The following LPP variants were observed in gnomAD, a reference collection of about 807,000 sequenced individuals.
LPP encodes LIM domain containing preferred translocation partner in lipoma.
LPP carries 38 observed loss-of-function variants against 60.4 expected under a neutral mutation model. That is an observed-to-expected ratio of 0.63 (90% CI 0.49 to 0.83). LPP has a LOEUF of 0.83. LPP is among the 40% of genes least tolerant of loss of function. The pLI, the probability that LPP is intolerant of heterozygous loss-of-function variation, is 0.00. For synonymous variants in LPP, 328 were observed against 290.8 expected (o/e 1.13, Z -1.30); for missense variants, 902 against 783.6 (o/e 1.15, Z -1.80).
intron 8 of LPP, among the ~76,000 whole-genome samples, chr3:188,721,323 G>T (rs1406773414): frequency 2.0e-5 from 3 of 152,074 alleles, no homozygotes; most frequent in Non-Finnish European, 4.4e-5. Flanking sequence ...GGCCGAGGCT[G>T]GAGAATTGCT....
chr3:188,375,282 G>C (rs868044137), intron 3 of LPP, among the ~76,000 whole-genome samples: 2 of 152,292 alleles, frequency 1.3e-5, no homozygotes, highest in East Asian at 3.9e-4. Flanking sequence ...AGAAGGAATG[G>C]TACCAGCTCC....
chr3:188,157,221 A>C (rs1716771742), intron 1 of LPP, among the ~76,000 whole-genome samples: 1 of 152,158 alleles, frequency 6.6e-6, no homozygotes, highest in Non-Finnish European at 1.5e-5. Flanking sequence ...TTTGAATCTC[A>C]AAGGTCCCCT....
intron 6 of LPP, among the ~76,000 whole-genome samples, chr3:188,529,978 G>A (rs1476246059): frequency 6.6e-6 from 1 of 152,236 alleles, no homozygotes; most frequent in South Asian, 2.1e-4. Context: ...AGAGAGGACT[G>A]CGTAGAGCAG....
At chr3:188,612,560 A>G (rs1434622165) in intron 7 of LPP, among the ~76,000 whole-genome samples, 1 of 152,192 alleles carries the variant, frequency 6.6e-6, no homozygotes, top group Non-Finnish European at 1.5e-5. Flanking sequence ...GTAGAACACC[A>G]TCTTTACTAA....
intron 9 of LPP, among the ~76,000 whole-genome samples, chr3:188,769,102 A>C (rs1735051924): frequency 6.6e-6 from 1 of 152,200 alleles, no homozygotes; most frequent in East Asian, 1.9e-4. Flanking sequence ...GAAGCAATAA[A>C]AAATATAAAA....
At chr3:188,422,812 G>A (rs1426694882) in intron 4 of LPP, among the ~76,000 whole-genome samples, 3 of 151,914 alleles carry the variant, frequency 2.0e-5, no homozygotes, top group Admixed American at 2.0e-4. Context: ...CTGTATTACA[G>A]CCAGTGTTCT....
chr3:188,720,242 T>C lies in LPP; in HGVS notation c.1240+11849T>C, dbSNP rs540828665. On this transcript the variant is annotated intron_variant, in intron 8 of 11. Transcript: ENST00000617246. Reference sequence around the variant, plus strand: ...TATTTTTAATTGACCGATTCTTTCCTCTACAAATATTTATTGAGTGCCTAC... The same window carrying C: ...TATTTTTAATTGACCGATTCTTTCCCCTACAAATATTTATTGAGTGCCTAC... Among the ~76,000 whole-genome samples, 6 of 152,296 alleles carry C rather than the reference T, an allele frequency of 3.9e-5. No individual in the cohort carries two copies. The South Asian group carries it at 1.2e-3, about 32-fold the overall frequency.
intron 9 of LPP, among the ~76,000 whole-genome samples, chr3:188,780,872 T>C (rs1391404352): frequency 1.3e-5 from 2 of 152,248 alleles, no homozygotes; most frequent in African/African-American, 4.8e-5. Context: ...ATCCCAGTGC[T>C]GGGCAGCTGA....
At chr3:188,606,796 A>T (rs1842465273) in intron 6 of LPP, among the ~76,000 whole-genome samples, 1 of 152,138 alleles carries the variant, frequency 6.6e-6, no homozygotes, top group African/African-American at 2.4e-5. Flanking sequence ...TAAAAAAGTC[A>T]GCGTAGATGG....
chr3:188,629,606 A>T (rs1391203054), intron 7 of LPP, among the ~76,000 whole-genome samples: 2 of 152,164 alleles, frequency 1.3e-5, no homozygotes, highest in African/African-American at 4.8e-5. Context: ...TCATGTTCAT[A>T]GATAGGAAAA....
chr3:188,807,339 T>G (rs1749466900), intron 9 of LPP, among the ~76,000 whole-genome samples: 1 of 151,990 alleles, frequency 6.6e-6, no homozygotes, highest in Non-Finnish European at 1.5e-5. Flanking sequence ...GGTTTTAGTT[T>G]TAGTGTTTGT....
chr3:188,815,730 A>G (rs961460925), intron 9 of LPP, among the ~76,000 whole-genome samples: 24 of 152,234 alleles, frequency 1.6e-4, no homozygotes, highest in African/African-American at 5.5e-4. Flanking sequence ...CTGGTCTTCC[A>G]ATGGCATTGT....
At chr3:188,326,578 G>A (rs1213299822) in intron 2 of LPP, among the ~76,000 whole-genome samples, 1 of 152,114 alleles carries the variant, frequency 6.6e-6, no homozygotes, top group East Asian at 1.9e-4. Flanking sequence ...CCACAGTTAC[G>A]AGTCTTATCA....
chr3:188,300,101 T>C (rs561753570), intron 2 of LPP, among the ~76,000 whole-genome samples: 2 of 152,328 alleles, frequency 1.3e-5, no homozygotes, highest in South Asian at 4.1e-4. Context: ...ATGATGAAAA[T>C]TAAAATAACC....
At chr3:188,534,819 C>T (rs1424313141) in intron 6 of LPP, among the ~76,000 whole-genome samples, 1 of 152,142 alleles carries the variant, frequency 6.6e-6, no homozygotes, top group Non-Finnish European at 1.5e-5. Flanking sequence ...AATAACTCAT[C>T]CTACATATCA....
chr3:188,706,579 C>T (rs1362149495), intron 7 of LPP, among the ~76,000 whole-genome samples: 1 of 152,196 alleles, frequency 6.6e-6, no homozygotes, highest in Non-Finnish European at 1.5e-5. Flanking sequence ...GTTTAGAAGA[C>T]ATTTAACGCT....
intron 9 of LPP, among the ~76,000 whole-genome samples, chr3:188,803,172 G>A (rs999246250): frequency 1.3e-5 from 2 of 150,500 alleles, no homozygotes; most frequent in Non-Finnish European, 2.9e-5. Flanking sequence ...AACCACACAA[G>A]TAGCTGGGAT....
chr3:188,203,471 T>A (rs1213385902), intron 1 of LPP, among the ~76,000 whole-genome samples: 1 of 89,816 alleles, frequency 1.1e-5, no homozygotes, highest in Non-Finnish European at 1.9e-5. Context: ...ATATATATTT[T>A]TAAATATATA....
At chr3:188,459,127 A>G (rs979831552) in intron 4 of LPP, among the ~76,000 whole-genome samples, 3 of 152,162 alleles carry the variant, frequency 2.0e-5, no homozygotes, top group African/African-American at 7.2e-5. Context: ...TTAATTTAAA[A>G]AATACTGTAA....
Sources: allele counts gnomAD v4.1 joint callset (sites outside exome capture counted in the v4.1 genomes callset), GRCh38; gene constraint gnomAD v4.1.1; transcripts MANE v1.5; gene names NCBI Gene and HGNC (gene_info 2026-07-23, HGNC 2026-07-21).